The following DNAJC4 variants were observed in gnomAD, a reference collection of about 807,000 sequenced individuals.
DNAJC4 encodes DnaJ heat shock protein family (Hsp40) member C4, also known as dnaJ homolog subfamily C member 4.
DNAJC4 carries 26 observed loss-of-function variants against 26.8 expected under a neutral mutation model. The ratio of observed to expected loss-of-function variants is 0.97; its 90% confidence interval spans 0.71 to 1.34. The LOEUF (loss-of-function observed/expected upper bound fraction) is 1.34. Among genes scored for constraint, DNAJC4 ranks in the 40% most tolerant of loss-of-function variants. The pLI, the probability that DNAJC4 is intolerant of heterozygous loss-of-function variation, is 0.00. For synonymous variants in DNAJC4, 134 were observed against 127.8 expected, an observed-to-expected ratio of 1.05 and a Z score of -0.33; for missense variants, 342 against 321.1, an observed-to-expected ratio of 1.07 and a Z score of -0.50.
chr11:64,232,897 G>C, intron 4 of DNAJC4, 32 bp downstream of exon 4: 1 of 1,527,092 alleles, frequency 6.5e-7, no homozygotes, highest in Non-Finnish European at 8.8e-7. Context: ...GTGATGGGCA[G>C]AGGGCAGGAG....
intron 2 of DNAJC4, 124 bp from the exon 3 acceptor site, chr11:64,232,306 G>A: frequency 1.6e-6 from 2 of 1,269,576 alleles, no homozygotes; most frequent in Non-Finnish European, 2.1e-6. Flanking sequence ...GCAGGCCTGA[G>A]TGAGGGTCAC....
At chr11:64,230,977 TG>T in intron 1 of DNAJC4, 37 bp downstream of exon 1, 1 of 1,536,154 alleles carries the variant, frequency 6.5e-7, no homozygotes, top group African/African-American at 1.4e-5. Context: ...GGTTGTTCAA[TG>T]GGTTTCTGTT....
intron 1 of DNAJC4, 70 bp downstream of exon 1, chr11:64,231,010 T>C: frequency 6.6e-7 from 1 of 1,520,716 alleles, no homozygotes; most frequent in Non-Finnish European, 8.8e-7. Context: ...CTGAGTTAGT[T>C]GTGGTCTCTA....
chr11:64,232,115 A>G (rs1947184494), intron 2 of DNAJC4, 151 bp downstream of exon 2: 1 of 841,356 alleles, frequency 1.2e-6, no homozygotes, highest in Admixed American at 2.2e-5. Context: ...GGTAGGGGAA[A>G]GGCTGTGGGC....
intron 2 of DNAJC4, 84 bp downstream of exon 2, chr11:64,232,048 C>A: frequency 1.4e-6 from 2 of 1,421,762 alleles, no homozygotes; most frequent in Non-Finnish European, 9.9e-7. Flanking sequence ...AGTAGACCAG[C>A]ATCTCTGGCG....
At position 64,232,437 on chromosome 11, in the gene DNAJC4, C is replaced by T; in HGVS notation, c.188C>T (p.Pro63Leu). 1 of 1,584,418 alleles carries T rather than the reference C, an allele frequency of 6.3e-7. No homozygotes were observed. Among genetic ancestry groups the T allele is most frequent in the Non-Finnish European group, 8.6e-7 (1 of 1,161,762 alleles). ...AFFSKSKELH[P>L]DRDPGNPSLH... The stretch of plus-strand genomic sequence containing the variant: ...AGTCCTGCCCCACCCCAGCTGCACC[C>T]AGACCGGGACCCTGGGAACCCAAGC... Residue 63 changes from proline (P) to leucine (L), a missense_variant, in exon 3 of 6, where the codon CCA becomes CTA. By Grantham distance (98) the Pro-to-Leu change is moderately conservative. Transcript: ENST00000628077.
chr11:64,233,200 C>T (rs1245626010), intron 4 of DNAJC4, among the ~76,000 whole-genome samples: 2 of 152,040 alleles, frequency 1.3e-5, no homozygotes, highest in Non-Finnish European at 1.5e-5. Flanking sequence ...CACTCTCACG[C>T]GTGCCACGGA....
Position 64,234,014 on chromosome 11 carries a change from T to A in DNAJC4, c.614+34T>A. 1.2e-6 allele frequency: 2 copies of A among 1,614,002 alleles called. No individual in the cohort carries two copies. Among genetic ancestry groups the A allele is most frequent in the Non-Finnish European group, 1.7e-6 (2 of 1,180,014 alleles). On this transcript the variant is annotated intron_variant, in intron 5 of 5. Transcript: ENST00000628077. The surrounding 1 kb of genome is among the most constrained non-coding windows in gnomAD (Gnocchi z 5.3). ...CTGCTCTATTCTGCTCCCTGCTCCC[T>A]GTCCAGGAACCACACTTCGGGATCC...
At chr11:64,230,454 C>T, upstream of DNAJC4, 1 of 523,228 alleles carries the variant, frequency 1.9e-6, no homozygotes, top group Non-Finnish European at 3.7e-6. Flanking sequence ...TTGGCATCCA[C>T]GCCAATGAGA....
intron 2 of DNAJC4, 111 bp downstream of exon 2, chr11:64,232,075 A>G: frequency 1.8e-6 from 2 of 1,133,220 alleles, no homozygotes; most frequent in Non-Finnish European, 2.6e-6. Flanking sequence ...ACATTTTTTC[A>G]GCCCTCATAG....
At chr11:64,232,040 T>C (rs1947183806) in intron 2 of DNAJC4, 76 bp downstream of exon 2, 2 of 1,467,944 alleles carry the variant, frequency 1.4e-6, no homozygotes, top group South Asian at 2.3e-5. Context: ...TTCCCAGGAG[T>C]AGACCAGCAT....
rs1947164067 is a variant in DNAJC4 at position 64,230,782 on chromosome 11, T to G, written c.-73T>G. 2.6e-6 allele frequency: 4 copies of G among 1,534,264 alleles called. No individual in the cohort carries two copies. The highest frequency in any genetic ancestry group is 2.6e-6 in the Non-Finnish European group (3 of 1,136,440). On this transcript the variant is annotated 5_prime_UTR_variant, in exon 1 of 6. Coordinates refer to ENST00000628077, the MANE Select transcript of DNAJC4 (RefSeq NM_005528.4). ...CAGGCCCCTTCCCTCTGCCCCCGGGTGCTTGAAGTCTAGCCCCATCCTGGT... is the reference window on the plus strand; with the variant it reads ...CAGGCCCCTTCCCTCTGCCCCCGGGGGCTTGAAGTCTAGCCCCATCCTGGT...
rs1591075336 is a variant in DNAJC4, at chr11:64,232,027, AAATT to A, written c.180+64_180+67del. ...CTTTGAGCCAGTGGGGGTGTGCTTC[AAATT>A]CCCAGGAGTAGACCAGCATCTCTGG... On this transcript the variant is annotated intron_variant, in intron 2 of 5. Coordinates refer to ENST00000628077, the MANE Select transcript of DNAJC4 (RefSeq NM_005528.4). The A allele has an allele frequency of 1.9e-6, 3 of 1,545,820 alleles. No homozygotes were observed. In the East Asian group the frequency reaches 6.7e-5, roughly 35 times the overall value.
Position 64,234,235 on chromosome 11 carries a change from C to G in DNAJC4, c.*51C>G. Reference sequence around the variant, plus strand: ...GTGCGTTCCCGCTTTGCTTCCTTCCCTGGACGGCCCGCTCCCCGAAACGCG... The same window carrying G: ...GTGCGTTCCCGCTTTGCTTCCTTCCGTGGACGGCCCGCTCCCCGAAACGCG... On this transcript the variant is annotated 3_prime_UTR_variant, in exon 6 of 6. Transcript: ENST00000628077. This position sits in a 1 kb window ranked among gnomAD's most constrained non-coding sequence, Gnocchi z 5.3. 1 of 1,519,326 alleles carries G rather than the reference C, an allele frequency of 6.6e-7. No individual in the cohort carries two copies. Among genetic ancestry groups the G allele is most frequent in the Non-Finnish European group, 8.8e-7 (1 of 1,137,058 alleles). The allele number at this position is 1,519,326 out of a possible 1,614,324, so 94.1% of individuals were successfully genotyped here.
At position 64,231,502 on chromosome 11, in the gene DNAJC4, C is replaced by T. The variant is rs538420309; in HGVS notation, c.87-369C>T. The T allele has an allele frequency of 1.3e-4, 28 of 211,560 alleles. 1 individual carries two copies. The highest frequency in any genetic ancestry group is 2.7e-4 in the South Asian group (4 of 14,968). 13.1% of individuals were successfully genotyped at this position (211,560 alleles called of 1,614,324 possible). On this transcript the variant is annotated intron_variant, in intron 1 of 5. Transcript: ENST00000628077. ...GATTACGGGCATGCACCACCACGCC[C>T]GGCTAATTTTGTATTTTTAGGAGAG...
At position 64,234,064 on chromosome 11, in the gene DNAJC4, C is replaced by G; in HGVS notation, c.615-9C>G. The stretch of plus-strand genomic sequence containing the variant: ...CCTATCCCAACCACCCAGGTGCCCT[C>G]TCCTCCAGGGCCAACAGAGGCATCC... On this transcript the variant is annotated splice_polypyrimidine_tract_variant and intron_variant, in intron 5 of 5. Coordinates refer to ENST00000628077, the MANE Select transcript of DNAJC4 (RefSeq NM_005528.4). This position sits in a 1 kb window ranked among gnomAD's most constrained non-coding sequence, Gnocchi z 5.3. 1 of 1,613,374 alleles carries G rather than the reference C, an allele frequency of 6.2e-7. No individual in the cohort carries two copies. The highest frequency in any genetic ancestry group is 1.1e-5 in the South Asian group (1 of 91,056).
intron 2 of DNAJC4, chr11:64,232,170 ACCTG>A: frequency 1.4e-6 from 1 of 711,198 alleles, no homozygotes; most frequent in Non-Finnish European, 2.3e-6. Flanking sequence ...GGTTTTCTTG[ACCTG>A]CCTGCCTGCT....
intron 1 of DNAJC4, 121 bp from the exon 2 acceptor site, chr11:64,231,750 G>T: frequency 1.2e-6 from 1 of 812,474 alleles, no homozygotes; most frequent in South Asian, 1.5e-5. Context: ...GATCTGTCCT[G>T]GGACCTGTTT....
rs1947206683 is a variant in DNAJC4, at chr11:64,233,650, A to G, written c.528-244A>G. 20 of 576,950 alleles carry G rather than the reference A, an allele frequency of 3.5e-5. No homozygotes were observed. In the South Asian group the frequency reaches 4.2e-4, roughly 12 times the overall value. 35.7% of individuals were successfully genotyped at this position (576,950 alleles called of 1,614,324 possible). ...ATACCCTTTCTAGTCTTCTGGGAGG[A>G]GCACCCCCATGTCCACAGCTGCTGT... On this transcript the variant is annotated intron_variant, in intron 4 of 5. Coordinates refer to ENST00000628077, the MANE Select transcript of DNAJC4 (RefSeq NM_005528.4).
Sources: allele counts gnomAD v4.1 joint callset (sites outside exome capture counted in the v4.1 genomes callset), GRCh38; gene constraint gnomAD v4.1.1; non-coding constraint Gnocchi (gnomAD v3.1); transcripts MANE v1.5; gene names NCBI Gene and HGNC (gene_info 2026-07-23, HGNC 2026-07-21).